The following SLIT1 variants were observed in gnomAD, a reference collection of about 807,000 sequenced individuals.
SLIT1 encodes the protein slit guidance ligand 1, also known as slit homolog 1 protein.
A neutral mutation model predicts 186.1 loss-of-function variants in SLIT1; 66 were observed. The observed-to-expected ratio is 0.35, with a 90% CI of 0.29 to 0.44. SLIT1 has a LOEUF of 0.44. Among genes scored for constraint, SLIT1 ranks in the 20% least tolerant of loss-of-function variants. SLIT1 has a pLI of 1.00. For synonymous variants in SLIT1, 761 were observed against 833.8 expected (o/e 0.91, Z 1.50); for missense variants, 1,638 against 2,037.4 (o/e 0.80, Z 3.77).
chr10:97,100,366 G>A (rs1589393193), intron 4 of SLIT1, among the ~76,000 whole-genome samples: 1 of 152,176 alleles, frequency 6.6e-6, no homozygotes, highest in African/African-American at 2.4e-5. Flanking sequence ...GCTCATGCCT[G>A]TAATCTCAAC....
intron 4 of SLIT1, among the ~76,000 whole-genome samples, chr10:97,067,373 TG>T (rs1019206128): frequency 3.5e-4 from 54 of 152,268 alleles, no homozygotes; most frequent in African/African-American, 1.1e-3. Flanking sequence ...TCCACAGACG[TG>T]TGCAAACGCC....
intron 16 of SLIT1, 61 bp downstream of exon 16, chr10:97,047,629 G>T: frequency 6.6e-7 from 1 of 1,519,288 alleles, no homozygotes; most frequent in Non-Finnish European, 9.1e-7. Context: ...CCTGGAGTAG[G>T]CCAAGGAGGG....
At chr10:97,002,051 G>A (rs1848314247) in intron 36 of SLIT1, 107 bp downstream of exon 36, 1 of 692,494 alleles carries the variant, frequency 1.4e-6, no homozygotes, top group Non-Finnish European at 2.3e-6. Flanking sequence ...CATGGTACAG[G>A]GCTGGGAAGG....
Position 97,060,800 on chromosome 10 carries a change from G to T in SLIT1, c.794-13C>A, listed in dbSNP as rs1349208608. On this transcript the variant is annotated splice_polypyrimidine_tract_variant and intron_variant, in intron 8 of 36. Transcript: ENST00000266058. ...GCTTCTCCCTGGCCTGCAGAAACAG[G>T]GGGGTGTGGCCTCAGGCTGTCATGC... The T allele has an allele frequency of 5.7e-6, 9 of 1,578,874 alleles. No individual in the cohort carries two copies. Among genetic ancestry groups the T allele is most frequent in the African/African-American group, 1.3e-5 (1 of 74,748 alleles).
intron 31 of SLIT1, among the ~76,000 whole-genome samples, chr10:97,009,870 C>T (rs1848395950): frequency 6.6e-6 from 1 of 152,088 alleles, no homozygotes; most frequent in Admixed American, 6.5e-5. Context: ...GGCTAATAAG[C>T]ACATGAAAAG....
rs748833442 is a variant in SLIT1 at position 97,039,776 on chromosome 10, TCA to T, written c.2297+210_2297+211del. On this transcript the variant is annotated intron_variant, in intron 21 of 36. Coordinates refer to ENST00000266058, the MANE Select transcript of SLIT1 (RefSeq NM_003061.3). Reference sequence around the variant, plus strand: ...GGAAGCACTCGCTGCCATGCGGTCATCAGGTGACCGCAGAGGGAGAATCAGAG... The same window carrying T: ...GGAAGCACTCGCTGCCATGCGGTCATGGTGACCGCAGAGGGAGAATCAGAG... Among the ~76,000 whole-genome samples the T allele has an allele frequency of 1.7e-3, 259 of 152,342 alleles. 7 individuals are homozygous for T. Among genetic ancestry groups the T allele is most frequent in the Non-Finnish European group, 5.7e-4 (39 of 68,032 alleles).
chr10:97,019,450 G>A (rs1014343618), intron 26 of SLIT1, among the ~76,000 whole-genome samples: 5 of 152,166 alleles, frequency 3.3e-5, no homozygotes, highest in Non-Finnish European at 5.9e-5. Flanking sequence ...TACCACCGAA[G>A]TTGGCCAACC....
intron 4 of SLIT1, among the ~76,000 whole-genome samples, chr10:97,086,961 C>A (rs1050968821): frequency 6.6e-6 from 1 of 152,020 alleles, no homozygotes; most frequent in Non-Finnish European, 1.5e-5. Flanking sequence ...ATGTACGGCT[C>A]TGGTGGGGGA....
chr10:97,090,102 G>A lies in SLIT1; in HGVS notation c.414-24016C>T, dbSNP rs888390389. Among the ~76,000 whole-genome samples, 7 of 152,268 alleles carry A rather than the reference G, an allele frequency of 4.6e-5. No homozygotes were observed. The East Asian group carries it at 5.8e-4, about 13-fold the overall frequency. On this transcript the variant is annotated intron_variant, in intron 4 of 36. Transcript: ENST00000266058. The stretch of plus-strand genomic sequence containing the variant: ...CTCTCCATTCTCAGGGCCGGACCAC[G>A]GGCTTAGGCAGAGCAGCAACCAAGG...
At chr10:97,088,010 C>T (rs768774096) in intron 4 of SLIT1, among the ~76,000 whole-genome samples, 5 of 151,940 alleles carry the variant, frequency 3.3e-5, no homozygotes, top group Non-Finnish European at 5.9e-5. Context: ...GCGATTTGTG[C>T]GTGCATTCGA....
intron 25 of SLIT1, among the ~76,000 whole-genome samples, chr10:97,026,464 C>CTAAA (rs10624448): frequency 0.19 from 28,565 of 149,408 alleles, 3,562 homozygotes; most frequent in East Asian, 0.42. Context: ...AACTCCGTCT[C>CTAAA]TAAATAAATA....
At chr10:97,051,476 A>G (rs1363474878) in intron 13 of SLIT1, among the ~76,000 whole-genome samples, 1 of 152,236 alleles carries the variant, frequency 6.6e-6, no homozygotes, top group African/African-American at 2.4e-5. Context: ...GTTTCTTTAA[A>G]AAAGTTAAAC....
chr10:97,088,933 G>A (rs1388735882), intron 4 of SLIT1, among the ~76,000 whole-genome samples: 10 of 152,218 alleles, frequency 6.6e-5, no homozygotes, highest in African/African-American at 1.9e-4. Context: ...GGAAGAAAGA[G>A]GCTGGATCAC....
chr10:97,106,771 G>A (rs2134675927), intron 4 of SLIT1, among the ~76,000 whole-genome samples: 1 of 152,236 alleles, frequency 6.6e-6, no homozygotes, highest in South Asian at 2.1e-4. Flanking sequence ...AGACAGGCCA[G>A]AGGTCCAGAG....
At position 97,018,638 on chromosome 10, in the gene SLIT1, AG is replaced by A; in HGVS notation, c.2916del (p.Cys973ValfsTer32). ...GCATGGCAGGTGCCCCCATTTTCAC[AG>A]GGGCCACTGGAACAGCTGTCCAGGG... The part of the protein sequence containing the change: ...EVSLDSCSSG[P>X]CENGGTCHAQ... On this transcript the variant is annotated frameshift_variant, in exon 28 of 37. Coordinates refer to ENST00000266058, the MANE Select transcript of SLIT1 (RefSeq NM_003061.3). LOFTEE classifies it high-confidence loss of function. The A allele has an allele frequency of 6.3e-7, 1 of 1,596,532 alleles. No individual in the cohort carries two copies. Among genetic ancestry groups the A allele is most frequent in the Non-Finnish European group, 8.5e-7 (1 of 1,171,816 alleles).
At position 97,002,898 on chromosome 10, in the gene SLIT1, G is replaced by A. The variant is rs776925434; in HGVS notation, c.3960C>T (p.Asn1320=). The stretch of plus-strand genomic sequence containing the variant: ...TCTTGGTGAAGTCCTGCAGCTCGTT[G>A]TTGATGTACAGGTTTCGGATGCAAC... ...FHGCIRNLYI[N]NELQDFTKTQ... Residue 1320 remains asparagine (N), a synonymous_variant, in exon 35 of 37, where the codon AAC becomes AAT. Transcript: ENST00000266058. 1 of 1,614,138 alleles carries A rather than the reference G, an allele frequency of 6.2e-7. No homozygotes were observed. The highest frequency in any genetic ancestry group is 8.5e-7 in the Non-Finnish European group (1 of 1,180,036).
At position 97,004,569 on chromosome 10, in the gene SLIT1, T is replaced by G. The variant is rs1460927953; in HGVS notation, c.3710+124A>C. On this transcript the variant is annotated intron_variant, in intron 33 of 36. Coordinates refer to ENST00000266058, the MANE Select transcript of SLIT1 (RefSeq NM_003061.3). This position sits in a 1 kb window ranked among gnomAD's most constrained non-coding sequence, Gnocchi z 5.1. Reference sequence around the variant, plus strand: ...GGGGCTAACCCAGATGGTTCAAGTGTCCTTCAAACTCAGGCAGCCCAGGTT... The same window carrying G: ...GGGGCTAACCCAGATGGTTCAAGTGGCCTTCAAACTCAGGCAGCCCAGGTT... 2 of 1,168,204 alleles carry G rather than the reference T, an allele frequency of 1.7e-6. No individual in the cohort carries two copies. The highest frequency in any genetic ancestry group is 2.5e-6 in the Non-Finnish European group (2 of 801,768). The allele number at this position is 1,168,204 out of a possible 1,614,324, so 72.4% of individuals were successfully genotyped here.
chr10:97,178,995 A>G (rs1850294493), intron 1 of SLIT1, among the ~76,000 whole-genome samples: 1 of 152,186 alleles, frequency 6.6e-6, no homozygotes, highest in Non-Finnish European at 1.5e-5. Flanking sequence ...CTTCCCAAAT[A>G]CATGGCACTT....
At chr10:97,126,929 G>A (rs1849608072) in intron 4 of SLIT1, among the ~76,000 whole-genome samples, 1 of 152,156 alleles carries the variant, frequency 6.6e-6, no homozygotes, top group African/African-American at 2.4e-5. Flanking sequence ...AGCATGCACA[G>A]AATTCACCTT....
Sources: allele counts gnomAD v4.1 joint callset (sites outside exome capture counted in the v4.1 genomes callset), GRCh38; gene constraint gnomAD v4.1.1; non-coding constraint Gnocchi (gnomAD v3.1); transcripts MANE v1.5; gene names NCBI Gene and HGNC (gene_info 2026-07-23, HGNC 2026-07-21).